HERC2: variants seen among roughly 807,000 people sequenced by gnomAD.
HERC2 encodes HECT and RLD domain containing E3 ubiquitin protein ligase 2.
Under a neutral mutation model 537.7 loss-of-function variants are expected in HERC2, and 102 were observed. The observed-to-expected ratio is 0.19, with a 90% CI of 0.16 to 0.22. HERC2 has a LOEUF of 0.22. HERC2 is among the 10% of genes least tolerant of loss of function. The pLI, the probability that HERC2 is intolerant of heterozygous loss-of-function variation, is 1.00. For synonymous variants in HERC2, 2,224 were observed against 2,466.2 expected (o/e 0.90, Z 2.91); for missense variants, 4,236 against 6,198.2 (o/e 0.68, Z 10.63).
intron 86 of HERC2, among the ~76,000 whole-genome samples, chr15:28,121,056 G>A (rs1035987550): frequency 3.3e-5 from 5 of 152,240 alleles, no homozygotes; most frequent in African/African-American, 7.2e-5. Context: ...TTATCATCAT[G>A]CAGTGGGAAG....
At chr15:28,273,202 TATTTA>T in intron 7 of HERC2, 198 bp from the exon 8 acceptor site, 2 of 606,544 alleles carry the variant, frequency 3.3e-6, no homozygotes, top group East Asian at 2.8e-5. Context: ...AACTATATTT[TATTTA>T]AAGTGTTCAC....
chr15:28,269,877 G>A (rs1282732531), intron 10 of HERC2, among the ~76,000 whole-genome samples: 1 of 152,266 alleles, frequency 6.6e-6, no homozygotes, highest in Non-Finnish European at 1.5e-5. Context: ...ATCCCCACCT[G>A]TGCATGTGCA....
chr15:28,253,838 T>C (rs2075164744), intron 20 of HERC2, among the ~76,000 whole-genome samples: 1 of 151,804 alleles, frequency 6.6e-6, no homozygotes, highest in Admixed American at 6.6e-5. Context: ...TGCGGACGCC[T>C]GTAGTCCCAG....
At chr15:28,310,317 C>T (rs1252957377) in intron 2 of HERC2, among the ~76,000 whole-genome samples, 9 of 152,038 alleles carry the variant, frequency 5.9e-5, no homozygotes, top group African/African-American at 1.7e-4. Flanking sequence ...GGTGGTGGCG[C>T]GCCTGTACTC....
At chr15:28,169,774 C>T (rs1894507262) in intron 65 of HERC2, 119 bp from the exon 66 acceptor site, 1 of 893,414 alleles carries the variant, frequency 1.1e-6, no homozygotes, top group Non-Finnish European at 1.7e-6. Flanking sequence ...TGCTATTTCA[C>T]AAAGCACCTA....
At chr15:28,320,812 T>C (rs1286502778) in intron 2 of HERC2, among the ~76,000 whole-genome samples, 2 of 152,012 alleles carry the variant, frequency 1.3e-5, no homozygotes, top group Admixed American at 6.6e-5. Context: ...AAAATTAGGA[T>C]CTAAGGCCAA....
intron 4 of HERC2, among the ~76,000 whole-genome samples, chr15:28,287,461 A>C (rs2076187196): frequency 6.6e-6 from 1 of 152,260 alleles, no homozygotes; most frequent in South Asian, 2.1e-4. Flanking sequence ...CTTTAATCTG[A>C]GCAAGAAAGG....
chr15:28,166,493 A>C (rs1894149768), intron 68 of HERC2, among the ~76,000 whole-genome samples: 1 of 152,222 alleles, frequency 6.6e-6, no homozygotes, highest in Admixed American at 6.5e-5. Context: ...ACTCAGTAAC[A>C]ATTAGCTTAC....
In HERC2 at chr15:28,117,253, C is replaced by T. The variant is rs370759006; in HGVS notation, c.13273-99G>A. On this transcript the variant is annotated intron_variant, in intron 86 of 92. Transcript: ENST00000261609. ...TGGCGAATGCACGAGGAGGAGGCACCGTGCATGGGCCCCTCCCTGGTCACA... is the reference window on the plus strand; with the variant it reads ...TGGCGAATGCACGAGGAGGAGGCACTGTGCATGGGCCCCTCCCTGGTCACA... 60 of 1,173,454 alleles carry T rather than the reference C, an allele frequency of 5.1e-5. 1 individual carries two copies. The highest frequency in any genetic ancestry group is 2.1e-4 in the East Asian group (9 of 41,990). The allele number at this position is 1,173,454 out of a possible 1,614,324, so 72.7% of individuals were successfully genotyped here.
At chr15:28,112,080 CA>C in intron 92 of HERC2, 45 bp from the exon 93 acceptor site, 1 of 1,589,456 alleles carries the variant, frequency 6.3e-7, no homozygotes. Flanking sequence ...AGTACGGCTG[CA>C]GTTTACTTTA....
intron 23 of HERC2, among the ~76,000 whole-genome samples, chr15:28,241,836 T>C (rs1237033778): frequency 2.7e-5 from 4 of 150,524 alleles, no homozygotes; most frequent in African/African-American, 9.8e-5. Flanking sequence ...AATAAACAAA[T>C]AAAAAAAAGA....
chr15:28,124,893 G>A (rs1323420295), intron 84 of HERC2, 113 bp downstream of exon 84: 14 of 1,113,312 alleles, frequency 1.3e-5, no homozygotes, highest in Non-Finnish European at 1.8e-5. Flanking sequence ...AACATTTACT[G>A]AGCCTGAATT....
intron 56 of HERC2, among the ~76,000 whole-genome samples, chr15:28,182,754 A>G (rs890803794): frequency 1.3e-5 from 2 of 152,116 alleles, no homozygotes; most frequent in African/African-American, 4.8e-5. Flanking sequence ...TTCAGCCTTT[A>G]TTTTTGGTGG....
intron 5 of HERC2, among the ~76,000 whole-genome samples, chr15:28,279,416 C>T (rs181304088): frequency 1.3e-5 from 2 of 152,274 alleles, no homozygotes; most frequent in Non-Finnish European, 2.9e-5. Context: ...CAAAATAAAA[C>T]GTATACAACG....
intron 23 of HERC2, among the ~76,000 whole-genome samples, chr15:28,242,725 G>C (rs1404157994): frequency 6.6e-6 from 1 of 152,122 alleles, no homozygotes. Flanking sequence ...CATGAGCAAA[G>C]TAGTTTTATT....
chr15:28,141,194 C>T (rs1179924123), intron 78 of HERC2, among the ~76,000 whole-genome samples: 2 of 150,986 alleles, frequency 1.3e-5, no homozygotes, highest in East Asian at 2.0e-4. Context: ...GCCGAGACCA[C>T]GCCATTGCAC....
rs1899356077 is a variant in HERC2, at chr15:28,212,437, G to A, written c.6925+8C>T. On this transcript the variant is annotated splice_region_variant and intron_variant, in intron 43 of 92. Coordinates refer to ENST00000261609, the MANE Select transcript of HERC2 (RefSeq NM_004667.6). Reference sequence around the variant, plus strand: ...CAGCTATTTCATCAAGAAGCACCATGTACTGACCTGCAAAGGCCTGTTTAG... The same window carrying A: ...CAGCTATTTCATCAAGAAGCACCATATACTGACCTGCAAAGGCCTGTTTAG... The A allele has an allele frequency of 6.2e-7, 1 of 1,610,594 alleles. No individual in the cohort carries two copies. Among genetic ancestry groups the A allele is most frequent in the Non-Finnish European group, 8.5e-7 (1 of 1,178,892 alleles).
chr15:28,177,042 G>C lies in HERC2; in HGVS notation c.9340C>G (p.Leu3114Val). ...GTGTACAGTTCTCCGCTGGATGTGA[G>C]GGCTGCGCTGTGCGAGCTCCCACAG... ...IACGSSHSAA[L>V]TSSGELYTWG... The change falls in exon 61 of 93, where the codon CTC becomes GTC. Residue 3114 changes from leucine (L) to valine (V), a missense_variant. Leu to Val is a conservative substitution (Grantham distance 32). Around this residue, in one of 27 missense-constraint regions of HERC2, gnomAD observed 606 missense variants for 884.5 expected, o/e 0.69. Transcript: ENST00000261609. This position sits in a 1 kb window ranked among gnomAD's most constrained non-coding sequence, Gnocchi z 5.0. The C allele has an allele frequency of 6.2e-7, 1 of 1,614,172 alleles. No homozygotes were observed. The highest frequency in any genetic ancestry group is 8.5e-7 in the Non-Finnish European group (1 of 1,180,014).
At chr15:28,293,566 A>C (rs1596410404) in intron 3 of HERC2, among the ~76,000 whole-genome samples, 1 of 152,008 alleles carries the variant, frequency 6.6e-6, no homozygotes, top group East Asian at 1.9e-4. Context: ...TATTCCATCT[A>C]CTTCCTAGTA....
Sources: allele counts gnomAD v4.1 joint callset (sites outside exome capture counted in the v4.1 genomes callset), GRCh38; gene constraint gnomAD v4.1.1; regional missense constraint gnomAD v4.1.1; non-coding constraint Gnocchi (gnomAD v3.1); transcripts MANE v1.5; gene names NCBI Gene and HGNC (gene_info 2026-07-23, HGNC 2026-07-21).